Variants in FBXO42 observed in about 807,000 individuals in gnomAD.
The protein encoded by FBXO42 is F-box only protein 42.
Under a neutral mutation model 71.7 loss-of-function variants are expected in FBXO42, and 12 were observed. That is an observed-to-expected ratio of 0.17 (90% CI 0.11 to 0.27). The LOEUF (loss-of-function observed/expected upper bound fraction) is 0.27, where lower values mean the gene tolerates loss of function less well. FBXO42 is among the 10% of genes least tolerant of loss of function. FBXO42 has a pLI of 1.00. For synonymous variants in FBXO42, 325 were observed against 327.5 expected (o/e 0.99, Z 0.08); for missense variants, 707 against 911.9 (o/e 0.78, Z 2.89).
intron 1 of FBXO42, among the ~76,000 whole-genome samples, 178 bp downstream of exon 1, chr1:16,352,077 C>T (rs1381292900): frequency 6.6e-6 from 1 of 152,208 alleles, no homozygotes; most frequent in African/African-American, 2.4e-5. Flanking sequence ...CTGTCCTCCT[C>T]CTCGCCTCAC....
chr1:16,312,000 T>C (rs1427971586), intron 2 of FBXO42, among the ~76,000 whole-genome samples: 2 of 152,032 alleles, frequency 1.3e-5, no homozygotes, highest in East Asian at 1.9e-4. Flanking sequence ...GTAAACAAAC[T>C]GTGGTGCATC....
intron 1 of FBXO42, among the ~76,000 whole-genome samples, chr1:16,328,137 C>A (rs1205008472): frequency 6.6e-6 from 1 of 152,094 alleles, no homozygotes; most frequent in African/African-American, 2.4e-5. Flanking sequence ...TTTGTCAAAA[C>A]CCACAGCATC....
intron 3 of FBXO42, 91 bp downstream of exon 3, chr1:16,305,712 T>C: frequency 8.8e-7 from 1 of 1,130,490 alleles, no homozygotes. Context: ...AGACCTTGTC[T>C]CAAAAACAAA....
intron 4 of FBXO42, among the ~76,000 whole-genome samples, chr1:16,276,388 A>G (rs2081903546): frequency 2.6e-5 from 4 of 151,726 alleles, no homozygotes; most frequent in Admixed American, 6.6e-5. Context: ...TCAAAAAAAA[A>G]AAAAAAAAGA....
intron 4 of FBXO42, among the ~76,000 whole-genome samples, chr1:16,257,079 C>G (rs1186345234): frequency 2.0e-5 from 3 of 152,102 alleles, no homozygotes; most frequent in African/African-American, 4.8e-5. Context: ...ATAGTATATT[C>G]AAAGCACCTA....
chr1:16,340,304 C>T (rs2082590028), intron 1 of FBXO42, among the ~76,000 whole-genome samples: 1 of 151,858 alleles, frequency 6.6e-6, no homozygotes, highest in Admixed American at 6.6e-5. Flanking sequence ...AGATCCAAAT[C>T]CAGAAAACCT....
At chr1:16,283,766 A>G (rs2081991733) in intron 4 of FBXO42, among the ~76,000 whole-genome samples, 1 of 152,058 alleles carries the variant, frequency 6.6e-6, no homozygotes, top group South Asian at 2.1e-4. Context: ...AAGTGCTGGG[A>G]TTACAGGTGT....
At chr1:16,255,870 T>C (rs2081637842) in intron 5 of FBXO42, 49 bp from the exon 6 acceptor site, 1 of 1,308,550 alleles carries the variant, frequency 7.6e-7, no homozygotes. Context: ...CCACACACTT[T>C]ATGTAAAAAT....
intron 4 of FBXO42, among the ~76,000 whole-genome samples, chr1:16,269,468 G>A (rs754102965): frequency 2.0e-5 from 3 of 150,998 alleles, no homozygotes; most frequent in East Asian, 2.0e-4. Flanking sequence ...AGCCATTCTC[G>A]TGCCTCAGCT....
Position 16,288,247 on chromosome 1 carries a change from T to C in FBXO42, c.502+6536A>G, listed in dbSNP as rs149830026. Reference sequence around the variant, plus strand: ...GAGATCGAGACCATTCTGGCCAACATGGTGAAACCCCATCTCTACCAAAAA... The same window carrying C: ...GAGATCGAGACCATTCTGGCCAACACGGTGAAACCCCATCTCTACCAAAAA... On this transcript the variant is annotated intron_variant, in intron 4 of 9. Coordinates refer to ENST00000375592, the MANE Select transcript of FBXO42 (RefSeq NM_018994.3). 8.6e-3 allele frequency among the ~76,000 whole-genome samples: 1,311 copies of C among 151,738 alleles called. 11 individuals carry two copies. Among genetic ancestry groups the C allele is most frequent in the African/African-American group, 0.03 (1,245 of 41,374 alleles).
chr1:16,273,015 T>C (rs1427629518), intron 4 of FBXO42, among the ~76,000 whole-genome samples: 1 of 152,182 alleles, frequency 6.6e-6, no homozygotes, highest in Non-Finnish European at 1.5e-5. Context: ...CCTGACAACT[T>C]ACTCCTTAGC....
intron 2 of FBXO42, among the ~76,000 whole-genome samples, chr1:16,311,891 A>T (rs537725182): frequency 1.2e-4 from 19 of 152,236 alleles, no homozygotes; most frequent in Admixed American, 1.1e-3. Context: ...CTGAAAACTT[A>T]TGTCCACAGA....
intron 1 of FBXO42, among the ~76,000 whole-genome samples, chr1:16,329,718 G>A (rs961123473): frequency 5.3e-5 from 8 of 151,952 alleles, no homozygotes; most frequent in African/African-American, 1.4e-4. Flanking sequence ...GGGAGACCGA[G>A]GCAGGCAGAT....
intron 1 of FBXO42, among the ~76,000 whole-genome samples, chr1:16,320,567 G>A (rs1395047249): frequency 2.0e-5 from 3 of 151,492 alleles, no homozygotes; most frequent in Non-Finnish European, 4.4e-5. Context: ...GAAGTGGCAC[G>A]ATCTGAGCTC....
At chr1:16,277,640 G>T (rs2081918586) in intron 4 of FBXO42, among the ~76,000 whole-genome samples, 2 of 150,632 alleles carry the variant, frequency 1.3e-5, no homozygotes, top group African/African-American at 4.9e-5. Flanking sequence ...CAGAAGAATT[G>T]CTTGAATCCA....
intron 5 of FBXO42, among the ~76,000 whole-genome samples, chr1:16,256,215 T>C (rs767501800): frequency 2.6e-5 from 4 of 152,204 alleles, no homozygotes; most frequent in Non-Finnish European, 5.9e-5. Context: ...TTAAGAGATA[T>C]ATGTTTGAAA....
At chr1:16,322,100 G>T (rs1279317743) in intron 1 of FBXO42, among the ~76,000 whole-genome samples, 2 of 152,066 alleles carry the variant, frequency 1.3e-5, no homozygotes, top group Non-Finnish European at 2.9e-5. Context: ...AGTATATCCA[G>T]AAAATGGTAG....
intron 7 of FBXO42, 145 bp downstream of exon 7, chr1:16,253,490 G>T: frequency 1.5e-6 from 1 of 685,770 alleles, no homozygotes. Context: ...ATTAGAAGTT[G>T]AAAAATAAAT....
Position 16,352,439 on chromosome 1 carries a change from C to T in FBXO42, c.-202G>A, listed in dbSNP as rs964782470. 15 of 398,686 alleles carry T rather than the reference C, an allele frequency of 3.8e-5. No individual in the cohort carries two copies. The highest frequency in any genetic ancestry group is 1.3e-4 in the Admixed American group (3 of 22,598). The allele number at this position is 398,686 out of a possible 1,614,324, so 24.7% of individuals were successfully genotyped here. ...TCTTCCTCCACTCAAACGCCGCCGC[C>T]GCCGCAGCTGCTGCTGCTCAGGCCG... On this transcript the variant is annotated 5_prime_UTR_variant, in exon 1 of 10. Coordinates refer to ENST00000375592, the MANE Select transcript of FBXO42 (RefSeq NM_018994.3).
Sources: gnomAD v4.1 joint callset for allele counts (sites outside exome capture counted in the v4.1 genomes callset) on GRCh38, gnomAD v4.1.1 for gene constraint, MANE v1.5 for transcripts, NCBI Gene and HGNC (gene_info 2026-07-23, HGNC 2026-07-21) for gene names.